The following CAMKV variants were observed in gnomAD, a reference collection of about 807,000 sequenced individuals.
The protein encoded by CAMKV is caM kinase-like vesicle-associated protein.
Under a neutral mutation model 50.2 loss-of-function variants are expected in CAMKV, and 5 were observed. The observed-to-expected ratio is 0.10, with a 90% CI of 0.05 to 0.21. The LOEUF (loss-of-function observed/expected upper bound fraction) is 0.21, where lower values mean the gene tolerates loss of function less well. Among genes scored for constraint, CAMKV ranks in the 10% least tolerant of loss-of-function variants. The pLI, the probability that CAMKV is intolerant of heterozygous loss-of-function variation, is 1.00. For synonymous variants in CAMKV, 229 were observed against 250.1 expected (o/e 0.92, Z 0.80); for missense variants, 361 against 650.5 (o/e 0.55, Z 4.84).
In CAMKV at chr3:49,861,879, G is replaced by T; in HGVS notation, c.228-14C>A. The T allele has an allele frequency of 6.2e-7, 1 of 1,613,416 alleles. No homozygotes were observed. On this transcript the variant is annotated splice_polypyrimidine_tract_variant and intron_variant, in intron 3 of 10. Transcript: ENST00000477224. The surrounding 1 kb of genome is among the most constrained non-coding windows in gnomAD (Gnocchi z 7.7). Reference sequence around the variant, plus strand: ...GGATGCTTCACCCTGGCGACAGGGAGGGGAGCCAGTAGTTAGGGCTGGATG... The same window carrying T: ...GGATGCTTCACCCTGGCGACAGGGATGGGAGCCAGTAGTTAGGGCTGGATG...
intron 1 of CAMKV, chr3:49,863,448 G>C (rs1197855145): frequency 6.6e-6 from 1 of 151,756 alleles, no homozygotes; most frequent in Non-Finnish European, 1.5e-5. Context: ...CTACTGATCA[G>C]CACAGGAGTT....
chr3:49,858,039 C>T lies in CAMKV; in HGVS notation c.*1279G>A. On this transcript the variant is annotated 3_prime_UTR_variant, in exon 11 of 11. Coordinates refer to ENST00000477224, the MANE Select transcript of CAMKV (RefSeq NM_024046.5). The stretch of plus-strand genomic sequence containing the variant: ...CCAGGTTCAGTAGGCACACAGTTAA[C>T]CCACCGACCTTCACACACCAGAGCA... The T allele has an allele frequency of 2.6e-6, 1 of 385,638 alleles. No individual in the cohort carries two copies. 23.9% of individuals were successfully genotyped at this position (385,638 alleles called of 1,614,324 possible).
Position 49,859,905 on chromosome 3 carries a change from G to A in CAMKV, c.943-24C>T, listed in dbSNP as rs80071422. 5,141 of 1,506,098 alleles carry A rather than the reference G, an allele frequency of 3.4e-3. 104 individuals carry two copies. In the African/African-American group the frequency reaches 0.049, roughly 14 times the overall value. The allele number at this position is 1,506,098 out of a possible 1,614,324, so 93.3% of individuals were successfully genotyped here. ...TTCTGAAAGGAGCACAGTGGAGAAA[G>A]GCTAAGGGTGAGGCTTGCTGGATCC... On this transcript the variant is annotated intron_variant, in intron 10 of 10. Transcript: ENST00000477224. The surrounding 1 kb of genome is among the most constrained non-coding windows in gnomAD (Gnocchi z 5.5).
chr3:49,861,630 G>A lies in CAMKV; in HGVS notation c.303-53C>T. The stretch of plus-strand genomic sequence containing the variant: ...CGTGGGCAGAATCAGGGGTAGGGCA[G>A]GAGCACTTGGGTGAGCTGCCTACGC... On this transcript the variant is annotated intron_variant, in intron 4 of 10. Transcript: ENST00000477224. The surrounding 1 kb of genome is among the most constrained non-coding windows in gnomAD (Gnocchi z 7.7). The A allele has an allele frequency of 6.2e-7, 1 of 1,612,154 alleles. No homozygotes were observed. The highest frequency in any genetic ancestry group is 1.7e-5 in the Admixed American group (1 of 59,912).
At chr3:49,866,879 A>G (rs1309495431) in intron 1 of CAMKV, among the ~76,000 whole-genome samples, 1 of 152,234 alleles carries the variant, frequency 6.6e-6, no homozygotes, top group Non-Finnish European at 1.5e-5. Context: ...CGCTGAGATC[A>G]TCCTGGTTCA....
chr3:49,868,934 C>A (rs113289231), intron 1 of CAMKV, among the ~76,000 whole-genome samples: 1 of 152,218 alleles, frequency 6.6e-6, no homozygotes, highest in African/African-American at 2.4e-5. Flanking sequence ...CAGAGCTATG[C>A]GGGGAGGGGG....
intron 1 of CAMKV, among the ~76,000 whole-genome samples, chr3:49,866,476 C>T (rs972416826): frequency 1.3e-5 from 2 of 152,218 alleles, no homozygotes; most frequent in African/African-American, 4.8e-5. Flanking sequence ...ACACTTAGGC[C>T]ATGGAAGGGC....
At chr3:49,865,945 C>T (rs2082061806) in intron 1 of CAMKV, among the ~76,000 whole-genome samples, 1 of 152,224 alleles carries the variant, frequency 6.6e-6, no homozygotes, top group African/African-American at 2.4e-5. Context: ...AGGTCCAGGG[C>T]TGGTCATGGG....
rs548361161 is a variant in CAMKV at position 49,864,324 on chromosome 3, C to T, written c.-14-1922G>A. ...CAAGCCTGATCCTGGTCCCAGCTTT[C>T]GGCTCTGCATATGCATTCATGCCCA... is the stretch of plus-strand genomic sequence containing the variant. On this transcript the variant is annotated intron_variant, in intron 1 of 10. Coordinates refer to ENST00000477224, the MANE Select transcript of CAMKV (RefSeq NM_024046.5). 1.6e-3 allele frequency among the ~76,000 whole-genome samples: 240 copies of T among 152,250 alleles called. 1 individual carries two copies. Among genetic ancestry groups the T allele is most frequent in the African/African-American group, 5.2e-3 (214 of 41,530 alleles).
rs1403622627 is a variant in CAMKV at position 49,862,694 on chromosome 3, A to T, written c.-14-292T>A. Among the ~76,000 whole-genome samples the T allele has an allele frequency of 6.6e-6, 1 of 152,278 alleles. No homozygotes were observed. The highest frequency in any genetic ancestry group is 1.5e-5 in the Non-Finnish European group (1 of 68,054). On this transcript the variant is annotated intron_variant, in intron 1 of 10. Coordinates refer to ENST00000477224, the MANE Select transcript of CAMKV (RefSeq NM_024046.5). This position sits in a 1 kb window ranked among gnomAD's most constrained non-coding sequence, Gnocchi z 5.2. ...TACATTCAAAAAAAAGGCTTATCAA[A>T]CAGTTTATTTAAATTTCAGCTATTT...
At position 49,858,385 on chromosome 3, in the gene CAMKV, C is replaced by T. The variant is rs1388420645; in HGVS notation, c.*933G>A. 7.5e-6 allele frequency: 3 copies of T among 398,422 alleles called. No homozygotes were observed. Among genetic ancestry groups the T allele is most frequent in the Non-Finnish European group, 1.3e-5 (3 of 226,048 alleles). The allele number at this position is 398,422 out of a possible 1,614,324, so 24.7% of individuals were successfully genotyped here. ...AATCAGATTATGAGTTATTGCCATG[C>T]AGCAAGCCCCCTAGGGTGGAGAGGA... is the stretch of plus-strand genomic sequence containing the variant. On this transcript the variant is annotated 3_prime_UTR_variant, in exon 11 of 11. Transcript: ENST00000477224.
In CAMKV at chr3:49,862,201, G is replaced by T; in HGVS notation, c.96-25C>A. ...ACTGCAGCCGACAGGCACCCACTCAGGCCTGGCCTTAGCATCAGCTGCACT... is the reference window on the plus strand; with the variant it reads ...ACTGCAGCCGACAGGCACCCACTCATGCCTGGCCTTAGCATCAGCTGCACT... On this transcript the variant is annotated intron_variant, in intron 2 of 10. Coordinates refer to ENST00000477224, the MANE Select transcript of CAMKV (RefSeq NM_024046.5). This position sits in a 1 kb window ranked among gnomAD's most constrained non-coding sequence, Gnocchi z 5.2. The T allele has an allele frequency of 6.2e-7, 1 of 1,614,154 alleles. No individual in the cohort carries two copies. The highest frequency in any genetic ancestry group is 8.5e-7 in the Non-Finnish European group (1 of 1,180,026).
In CAMKV at chr3:49,859,477, A is replaced by C; in HGVS notation, c.1347T>G (p.Ser449Arg). Residue 449 changes from serine to arginine, a missense_variant, in exon 11 of 11, where the codon AGT (serine) becomes AGG (arginine). Ser to Arg is a moderately radical substitution (Grantham distance 110). Transcript: ENST00000477224. This position sits in a 1 kb window ranked among gnomAD's most constrained non-coding sequence, Gnocchi z 5.5. ...CAGCTGCCTTGGTGGCCAGCATGGC[A>C]CTGCTTTGGGTGGTGGGCACAGTGC... is the stretch of plus-strand genomic sequence containing the variant. ...EESTVPTTQS[S>R]AMLATKAAAT... The C allele has an allele frequency of 6.2e-7, 1 of 1,614,086 alleles. No individual in the cohort carries two copies.
chr3:49,865,712 A>G (rs2082058764), intron 1 of CAMKV, among the ~76,000 whole-genome samples: 1 of 152,160 alleles, frequency 6.6e-6, no homozygotes. Context: ...TGACATTATA[A>G]GGTGGTTTGT....
rs376449925 is a variant in CAMKV, at chr3:49,862,284, C to G, written c.95+10G>C. The G allele has an allele frequency of 6.2e-7, 1 of 1,613,988 alleles. No homozygotes were observed. Among genetic ancestry groups the G allele is most frequent in the Non-Finnish European group, 8.5e-7 (1 of 1,179,852 alleles). The stretch of plus-strand genomic sequence containing the variant: ...CCCACCCAGCCTTGCCTGACAGGCC[C>G]GGCACTCACGTCTTGATGACCTGTC... On this transcript the variant is annotated intron_variant, in intron 2 of 10. Transcript: ENST00000477224. The surrounding 1 kb of genome is among the most constrained non-coding windows in gnomAD (Gnocchi z 5.2).
rs1348952591 is a variant in CAMKV, at chr3:49,869,259, TG to T, written c.-15+498del. Among the ~76,000 whole-genome samples the T allele has an allele frequency of 3.9e-5, 6 of 152,222 alleles. No homozygotes were observed. The East Asian group carries it at 7.8e-4, about 20-fold the overall frequency. Reference sequence around the variant, plus strand: ...GAAGGCTTGGAAGCTGAATTTTGGCTGGGGGGCTGCTGGTCCCCAGGGGCTT... The same window carrying T: ...GAAGGCTTGGAAGCTGAATTTTGGCTGGGGGCTGCTGGTCCCCAGGGGCTT... On this transcript the variant is annotated intron_variant, in intron 1 of 10. Transcript: ENST00000477224. This position sits in a 1 kb window ranked among gnomAD's most constrained non-coding sequence, Gnocchi z 5.2.
chr3:49,865,995 C>A, intron 1 of CAMKV, among the ~76,000 whole-genome samples: 1 of 152,216 alleles, frequency 6.6e-6, no homozygotes, highest in East Asian at 1.9e-4. Context: ...GGGCCTCCAC[C>A]CCGTAATGTC....
At chr3:49,864,870 A>C (rs1415645700) in intron 1 of CAMKV, among the ~76,000 whole-genome samples, 1 of 152,220 alleles carries the variant, frequency 6.6e-6, no homozygotes, top group African/African-American at 2.4e-5. Context: ...GAACTCTGCC[A>C]GCCAAAGTCA....
intron 1 of CAMKV, chr3:49,863,280 G>A (rs1359987267): frequency 6.6e-6 from 1 of 152,274 alleles, no homozygotes; most frequent in African/African-American, 2.4e-5. Context: ...TCCCTTCTAA[G>A]AGAAAAGGAG....
Sources: gnomAD v4.1 joint callset for allele counts (sites outside exome capture counted in the v4.1 genomes callset) on GRCh38, gnomAD v4.1.1 for gene constraint, Gnocchi (gnomAD v3.1) non-coding constraint, MANE v1.5 for transcripts, NCBI Gene and HGNC (gene_info 2026-07-23, HGNC 2026-07-21) for gene names.